Variants in SHPRH observed in about 807,000 individuals in gnomAD.
The protein encoded by SHPRH is E3 ubiquitin-protein ligase SHPRH.
A neutral mutation model predicts 202.5 loss-of-function variants in SHPRH; 106 were observed. The ratio of observed to expected loss-of-function variants is 0.52; its 90% CI spans 0.45 to 0.62. The LOEUF is 0.62. Ranked by LOEUF, SHPRH falls within the 20% of genes least tolerant of loss-of-function variation. The pLI, the probability that SHPRH is intolerant of heterozygous loss-of-function variation, is 0.00. For synonymous variants in SHPRH, 729 were observed against 686.0 expected (o/e 1.06, Z -0.98); for missense variants, 1,710 against 2,020.0 (o/e 0.85, Z 2.94).
chr6:145,955,213 C>T lies in SHPRH; in HGVS notation c.110G>A (p.Ser37Asn). 6.2e-7 allele frequency: 1 copy of T among 1,613,716 alleles called. No individual in the cohort carries two copies. Among genetic ancestry groups the T allele is most frequent in the East Asian group, 2.2e-5 (1 of 44,868 alleles). ...EDRRNEPIII[S>N]DDDEQPCPGS... ...TGGGCAGGGCTGCTCGTCATCATCA[C>T]TTATGATGATAGGTTCATTCCTTCT... is the stretch of plus-strand genomic sequence containing the variant. The change falls in exon 2 of 30, where the codon AGT (serine) becomes AAT (asparagine). Residue 37 changes from serine to asparagine, a missense_variant. Physicochemically the swap from Ser to Asn is conservative, Grantham distance 46. Transcript: ENST00000275233.
intron 11 of SHPRH, among the ~76,000 whole-genome samples, chr6:145,936,780 T>C (rs1405270593): frequency 3.9e-5 from 6 of 152,156 alleles, no homozygotes; most frequent in Non-Finnish European, 4.4e-5. Context: ...TTGAATTAAG[T>C]TACCTTGATG....
At chr6:145,916,281 T>C (rs984606694) in intron 23 of SHPRH, among the ~76,000 whole-genome samples, 1 of 152,146 alleles carries the variant, frequency 6.6e-6, no homozygotes, top group Admixed American at 6.5e-5. Flanking sequence ...ATCTGTAATC[T>C]AAAACGCTCT....
intron 14 of SHPRH, among the ~76,000 whole-genome samples, chr6:145,930,586 C>A (rs2128760690): frequency 6.6e-6 from 1 of 152,286 alleles, no homozygotes; most frequent in South Asian, 2.1e-4. Context: ...GCATAGAACA[C>A]ACTCTGTAAG....
At chr6:145,926,084 G>C in intron 16 of SHPRH, 120 bp downstream of exon 16, 1 of 946,194 alleles carries the variant, frequency 1.1e-6, no homozygotes, top group Non-Finnish European at 1.6e-6. Flanking sequence ...AAACATCAAA[G>C]TAACAGGAAA....
intron 11 of SHPRH, among the ~76,000 whole-genome samples, chr6:145,936,216 A>T (rs938021023): frequency 1.3e-5 from 2 of 152,056 alleles, no homozygotes; most frequent in South Asian, 4.1e-4. Flanking sequence ...ACTGCTTTGG[A>T]TATGAAGTGG....
intron 8 of SHPRH, among the ~76,000 whole-genome samples, chr6:145,944,912 T>C (rs1787201857): frequency 6.6e-6 from 1 of 151,884 alleles, no homozygotes; most frequent in South Asian, 2.1e-4. Context: ...ACAAGAAAAA[T>C]TAACCAGGCA....
In SHPRH at chr6:145,952,355, T is replaced by C; in HGVS notation, c.757A>G (p.Ile253Val). Residue 253 changes from isoleucine to valine, a missense_variant, in exon 3 of 30, where the codon ATT becomes GTT. Physicochemically the swap from Ile to Val is conservative, Grantham distance 29. Around this residue, in one of 8 missense-constraint regions of SHPRH, gnomAD observed 459 missense variants for 426.5 expected, o/e 1.08. Coordinates refer to ENST00000275233, the MANE Select transcript of SHPRH (RefSeq NM_001042683.3). The part of the protein sequence containing the change: ...KVMEKLHNSI[I>V]PDVLEEDEDD... ...AGTTTACTGTAAATATTACCTGGAA[T>C]AATAGAATTGTGTAACTTTTCCATT... 1 of 1,598,148 alleles carries C rather than the reference T, an allele frequency of 6.3e-7. No homozygotes were observed. The highest frequency in any genetic ancestry group is 8.5e-7 in the Non-Finnish European group (1 of 1,173,112).
At chr6:145,873,500 T>TGGTTATGACCAGTAAGTATAA (rs1780149017) in intron 2 of SHPRH, among the ~76,000 whole-genome samples, 1 of 152,192 alleles carries the variant, frequency 6.6e-6, no homozygotes, top group African/African-American at 2.4e-5. Context: ...AAGACTTTAC[T>TGGTTATGACCAGTAAGTATAA]GGTTATGACC....
chr6:145,941,459 G>T (rs1786766367), intron 10 of SHPRH, among the ~76,000 whole-genome samples, 164 bp downstream of exon 10: 1 of 152,206 alleles, frequency 6.6e-6, no homozygotes, highest in Non-Finnish European at 1.5e-5. Context: ...GGGTTATGTA[G>T]TTCAAAGCAC....
intron 25 of SHPRH, among the ~76,000 whole-genome samples, chr6:145,900,414 A>G (rs1210430657): frequency 6.6e-6 from 1 of 152,152 alleles, no homozygotes; most frequent in East Asian, 1.9e-4. Flanking sequence ...AAAGACAGAT[A>G]CTGCATGATC....
rs1785641324 is a variant in SHPRH, at chr6:145,933,024, G to C, written c.3112+33C>G. On this transcript the variant is annotated intron_variant, in intron 14 of 29. Transcript: ENST00000275233. ...AATTAACCTTCCTCAGGAAGTGTTT[G>C]AAAGAATCAGAGATAAAGCAATCAC... 2.5e-6 allele frequency: 4 copies of C among 1,595,870 alleles called. No homozygotes were observed. In the South Asian group the frequency reaches 4.5e-5, roughly 18 times the overall value.
chr6:145,886,377 G>A lies in SHPRH; in HGVS notation c.*314C>T. 1 of 712,238 alleles carries A rather than the reference G, an allele frequency of 1.4e-6. No individual in the cohort carries two copies. The highest frequency in any genetic ancestry group is 2.5e-5 in the East Asian group (1 of 39,806). The allele number at this position is 712,238 out of a possible 1,614,324, so 44.1% of individuals were successfully genotyped here. On this transcript the variant is annotated 3_prime_UTR_variant, in exon 30 of 30. Transcript: ENST00000275233. ...TTCTTATTCCAACTGTTTTATGAGT[G>A]ATCTTATCATAAGAAAAGTACACAT...
chr6:145,906,019 A>C (rs1782928384), intron 25 of SHPRH: 1 of 151,986 alleles, frequency 6.6e-6, no homozygotes. Context: ...TTTAATTAGA[A>C]CCTGGCTATC....
intron 3 of SHPRH, among the ~76,000 whole-genome samples, chr6:145,951,634 T>C (rs1037788698): frequency 2.6e-5 from 4 of 152,106 alleles, no homozygotes; most frequent in Non-Finnish European, 5.9e-5. Flanking sequence ...TTTCCTAATT[T>C]AAAGTATCTA....
chr6:145,928,049 C>G (rs79849730), intron 14 of SHPRH, among the ~76,000 whole-genome samples: 1,853 of 151,520 alleles, frequency 0.012, 42 homozygotes, highest in African/African-American at 0.044. Context: ...GAAAAAAATT[C>G]AAAAAAAATA....
At chr6:145,876,390 T>A (rs542467129) in intron 2 of SHPRH, among the ~76,000 whole-genome samples, 1 of 152,260 alleles carries the variant, frequency 6.6e-6, no homozygotes, top group Non-Finnish European at 1.5e-5. Flanking sequence ...AAAATAAAGA[T>A]TTGCCTATTC....
At chr6:145,879,982 T>C (rs1361792329), downstream of SHPRH, among the ~76,000 whole-genome samples, 1 of 148,556 alleles carries the variant, frequency 6.7e-6, no homozygotes, top group African/African-American at 2.5e-5. Context: ...ACCATCTTGA[T>C]ATAATGATGA....
chr6:145,959,298 G>A (rs142495721), intron 1 of SHPRH, among the ~76,000 whole-genome samples: 24 of 152,094 alleles, frequency 1.6e-4, no homozygotes, highest in African/African-American at 5.5e-4. Context: ...ACCCCACAAA[G>A]GTGTACTATT....
chr6:145,963,525 T>C (rs1334552563), intron 1 of SHPRH, among the ~76,000 whole-genome samples: 1 of 152,188 alleles, frequency 6.6e-6, no homozygotes, highest in African/African-American at 2.4e-5. Flanking sequence ...TTCATAAACA[T>C]AGCAACTACC....
Sources: gnomAD v4.1 joint callset for allele counts (sites outside exome capture counted in the v4.1 genomes callset) on GRCh38, gnomAD v4.1.1 for gene constraint, gnomAD v4.1.1 regional missense constraint, MANE v1.5 for transcripts, NCBI Gene and HGNC (gene_info 2026-07-23, HGNC 2026-07-21) for gene names.